The following SYNE2 variants were observed in gnomAD, a reference collection of about 807,000 sequenced individuals.
The protein encoded by SYNE2 is nesprin-2.
In SYNE2, 431 loss-of-function variants were observed where a neutral mutation model predicts 856.3. The observed-to-expected ratio is 0.50, with a 90% CI of 0.47 to 0.55. The LOEUF (loss-of-function observed/expected upper bound fraction) is 0.55, where lower values mean the gene tolerates loss of function less well. Among genes scored for constraint, SYNE2 ranks in the 20% least tolerant of loss-of-function variants. The pLI, the probability that SYNE2 is intolerant of heterozygous loss-of-function variation, is 0.00. For missense variants in SYNE2, 8,129 were observed against 8,023.2 expected (o/e 1.01, Z -0.50); for synonymous variants, 2,923 against 2,872.3 (o/e 1.02, Z -0.56).
chr14:63,878,261 C>G (rs2094773744), intron 1 of SYNE2, among the ~76,000 whole-genome samples: 1 of 152,022 alleles, frequency 6.6e-6, no homozygotes, highest in Non-Finnish European at 1.5e-5. Flanking sequence ...ATCGTGATCT[C>G]CACCCTGTGG....
chr14:63,996,609 C>T (rs1027780452), intron 23 of SYNE2, among the ~76,000 whole-genome samples: 1 of 152,132 alleles, frequency 6.6e-6, no homozygotes, highest in Non-Finnish European at 1.5e-5. Context: ...CCTCTCTCCC[C>T]TTTTACTTGG....
intron 85 of SYNE2, among the ~76,000 whole-genome samples, chr14:64,158,191 G>C (rs2153710965): frequency 6.6e-6 from 1 of 152,296 alleles, no homozygotes; most frequent in African/African-American, 2.4e-5. Context: ...ATGTTGTGCT[G>C]TTGTCAGAGC....
intron 78 of SYNE2, among the ~76,000 whole-genome samples, chr14:64,134,883 A>T (rs1267814353): frequency 6.6e-6 from 1 of 151,474 alleles, no homozygotes; most frequent in Non-Finnish European, 1.5e-5. Context: ...GTTACTTGGG[A>T]GGCTGAGGCA....
At chr14:64,178,346 C>G (rs2098443842) in intron 96 of SYNE2, among the ~76,000 whole-genome samples, 1 of 152,230 alleles carries the variant, frequency 6.6e-6, no homozygotes, top group Non-Finnish European at 1.5e-5. Context: ...TTCAAGTGTC[C>G]TGTATGATCT....
intron 61 of SYNE2, among the ~76,000 whole-genome samples, chr14:64,097,065 C>G (rs144971202): frequency 6.6e-6 from 1 of 152,168 alleles, no homozygotes; most frequent in African/African-American, 2.4e-5. Flanking sequence ...TATTTGTCAC[C>G]TGCTGTTTCT....
chr14:64,055,959 G>T lies in SYNE2; in HGVS notation c.9760G>T (p.Ala3254Ser), dbSNP rs1258754436. Residue 3254 changes from alanine to serine, a missense_variant, in exon 49 of 116, where the codon GCT becomes TCT. Coordinates refer to ENST00000555002, the MANE Select transcript of SYNE2 (RefSeq NM_182914.3). ...IDLRTNVLND[A>S]YENLTRYKEA... The stretch of plus-strand genomic sequence containing the variant: ...TATTCACTAGAATGTCTTGAATGAT[G>T]CTTATGAAAATCTAACACGCTATAA... 1 of 1,613,554 alleles carries T rather than the reference G, an allele frequency of 6.2e-7. No homozygotes were observed. Among genetic ancestry groups the T allele is most frequent in the East Asian group, 2.2e-5 (1 of 44,892 alleles).
intron 57 of SYNE2, among the ~76,000 whole-genome samples, chr14:64,083,592 A>G (rs138476902): frequency 6.5e-4 from 99 of 152,276 alleles, no homozygotes; most frequent in East Asian, 5.0e-3. Context: ...GTTTATTTCT[A>G]TGTGTCCCGA....
intron 2 of SYNE2, among the ~76,000 whole-genome samples, chr14:63,939,029 A>G (rs1315051061): frequency 6.6e-6 from 1 of 152,156 alleles, no homozygotes; most frequent in African/African-American, 2.4e-5. Flanking sequence ...GATAAAGGGT[A>G]TAGTGAGATG....
At chr14:63,907,145 T>G (rs2095418284) in intron 1 of SYNE2, among the ~76,000 whole-genome samples, 1 of 152,224 alleles carries the variant, frequency 6.6e-6, no homozygotes, top group African/African-American at 2.4e-5. Context: ...CAGTCTCCTT[T>G]GCTCTCAGAG....
Position 64,170,311 on chromosome 14 carries a change from T to C in SYNE2, c.17084T>C (p.Val5695Ala), listed in dbSNP as rs1595962528. The change falls in exon 94 of 116, where the codon GTT becomes GCT. Residue 5695 changes from valine (V) to alanine (A), a missense_variant. By Grantham distance (64) the Val-to-Ala change is moderately conservative. Coordinates refer to ENST00000555002, the MANE Select transcript of SYNE2 (RefSeq NM_182914.3). ...VQGVRQRKGD[V>A]DGLVRQWQDF... ...GGTGTTCGGCAGAGGAAGGGTGACG[T>C]TGATGGGCTGGTGAGGCAGTGGCAA... 6.2e-7 allele frequency: 1 copy of C among 1,614,142 alleles called. No homozygotes were observed. Among genetic ancestry groups the C allele is most frequent in the Non-Finnish European group, 8.5e-7 (1 of 1,180,024 alleles).
At chr14:64,095,973 C>T (rs1175149539) in intron 61 of SYNE2, among the ~76,000 whole-genome samples, 1 of 152,082 alleles carries the variant, frequency 6.6e-6, no homozygotes, top group Non-Finnish European at 1.5e-5. Context: ...CATTTTTGCC[C>T]TTCTGCTTTG....
At chr14:64,167,709 A>G (rs545010154) in intron 92 of SYNE2, 70 bp downstream of exon 92, 7 of 1,605,698 alleles carry the variant, frequency 4.4e-6, no homozygotes, top group Middle Eastern at 3.5e-4. Context: ...ATAGCTTTAA[A>G]TAAAACACAG....
intron 2 of SYNE2, among the ~76,000 whole-genome samples, chr14:63,920,131 T>C (rs1008665557): frequency 2.0e-5 from 3 of 152,122 alleles, no homozygotes; most frequent in Admixed American, 2.0e-4. Context: ...AGGACTGTGC[T>C]GAGCACACGG....
At position 64,220,413 on chromosome 14, in the gene SYNE2, CCT is replaced by C. The variant is rs757708744; in HGVS notation, c.19861-22_19861-21del. 5 of 1,613,740 alleles carry C rather than the reference CCT, an allele frequency of 3.1e-6. No homozygotes were observed. The African/African-American group carries it at 6.7e-5, about 22-fold the overall frequency. On this transcript the variant is annotated intron_variant, in intron 110 of 115. Coordinates refer to ENST00000555002, the MANE Select transcript of SYNE2 (RefSeq NM_182914.3). Reference sequence around the variant, plus strand: ...TCCTCCCTACTTTCAGAGCTCCTAACCTCATCTTTTCTCTCTCTGGTAGGAGA... The same window carrying C: ...TCCTCCCTACTTTCAGAGCTCCTAACCATCTTTTCTCTCTCTGGTAGGAGA...
At chr14:64,103,795 G>A (rs969018482) in intron 64 of SYNE2, among the ~76,000 whole-genome samples, 1 of 152,108 alleles carries the variant, frequency 6.6e-6, no homozygotes, top group Non-Finnish European at 1.5e-5. Flanking sequence ...TAGCTCCACA[G>A]AAGGCTTTGG....
chr14:64,076,685 A>G (rs548426025), intron 54 of SYNE2, among the ~76,000 whole-genome samples: 48 of 152,230 alleles, frequency 3.2e-4, no homozygotes, highest in African/African-American at 1.1e-3. Context: ...GATTGTAGAA[A>G]GACAGCCCAT....
At chr14:64,153,067 C>T (rs2098257117) in intron 85 of SYNE2, among the ~76,000 whole-genome samples, 1 of 152,166 alleles carries the variant, frequency 6.6e-6, no homozygotes, top group Non-Finnish European at 1.5e-5. Flanking sequence ...GAAGCAGTGT[C>T]TCCATGTACA....
At chr14:64,214,589 T>C in intron 106 of SYNE2, 119 bp downstream of exon 106, 1 of 960,770 alleles carries the variant, frequency 1.0e-6, no homozygotes, top group Non-Finnish European at 1.6e-6. Flanking sequence ...CCCTGACTTC[T>C]GTGGTTTCCT....
At chr14:64,022,586 C>A (rs886108232) in intron 37 of SYNE2, among the ~76,000 whole-genome samples, 165 bp from the exon 38 acceptor site, 3 of 151,766 alleles carry the variant, frequency 2.0e-5, no homozygotes, top group African/African-American at 7.3e-5. Flanking sequence ...TATGGTGAAA[C>A]CTTGTCTAGG....
Sources: allele counts gnomAD v4.1 joint callset (sites outside exome capture counted in the v4.1 genomes callset), GRCh38; gene constraint gnomAD v4.1.1; transcripts MANE v1.5; gene names NCBI Gene and HGNC (gene_info 2026-07-23, HGNC 2026-07-21).